The following CAB39L variants were observed in gnomAD, a reference collection of about 807,000 sequenced individuals.
CAB39L encodes calcium-binding protein 39-like.
Under a neutral mutation model 39.1 loss-of-function variants are expected in CAB39L, and 23 were observed. That is an observed-to-expected ratio of 0.59 (90% confidence interval 0.42 to 0.83). The LOEUF is 0.83. Ranked by LOEUF, CAB39L falls within the 40% of genes least tolerant of loss-of-function variation. The pLI is 0.00. For synonymous variants in CAB39L, 126 were observed against 137.2 expected (o/e 0.92, Z 0.57); for missense variants, 366 against 391.9 (o/e 0.93, Z 0.56).
Position 49,326,410 on chromosome 13 carries a change from C to T in CAB39L, c.834+5537G>A, listed in dbSNP as rs371129642. Among the ~76,000 whole-genome samples, 15 of 152,288 alleles carry T rather than the reference C, an allele frequency of 9.8e-5. No homozygotes were observed. In the East Asian group the frequency reaches 2.3e-3, roughly 23 times the overall value. ...AAGACCTTGCTCTCTTGACCTCCAT[C>T]GGGGCTTTCCCACCACACTATCCTG... On this transcript the variant is annotated intron_variant, in intron 10 of 10. Transcript: ENST00000409308.
chr13:49,429,523 C>A (rs1017749731), intron 3 of CAB39L, among the ~76,000 whole-genome samples: 1 of 152,090 alleles, frequency 6.6e-6, no homozygotes, highest in African/African-American at 2.4e-5. Context: ...ATTATTTTTC[C>A]CTCCTTACTT....
At chr13:49,319,435 G>A (rs895326542) in intron 10 of CAB39L, among the ~76,000 whole-genome samples, 3 of 152,076 alleles carry the variant, frequency 2.0e-5, no homozygotes, top group African/African-American at 7.2e-5. Flanking sequence ...GCCAGGGGAT[G>A]GAGGTGAGGG....
At chr13:49,320,783 T>C (rs924079735) in intron 10 of CAB39L, among the ~76,000 whole-genome samples, 4 of 152,200 alleles carry the variant, frequency 2.6e-5, no homozygotes, top group African/African-American at 4.8e-5. Flanking sequence ...ATCTGAGTAA[T>C]AATTTAGAAT....
chr13:49,383,253 AAAGT>A (rs1192058899), intron 3 of CAB39L, among the ~76,000 whole-genome samples: 1 of 152,088 alleles, frequency 6.6e-6, no homozygotes, highest in East Asian at 1.9e-4. Flanking sequence ...TTGACCAAAG[AAAGT>A]GATAATAATA....
At chr13:49,431,671 C>G (rs1488689337) in intron 3 of CAB39L, among the ~76,000 whole-genome samples, 1 of 151,756 alleles carries the variant, frequency 6.6e-6, no homozygotes, top group African/African-American at 2.4e-5. Flanking sequence ...TGCACCACTG[C>G]ACTCCAGCCT....
intron 9 of CAB39L, among the ~76,000 whole-genome samples, chr13:49,334,031 CCTTT>C (rs1954784344): frequency 6.6e-6 from 1 of 152,154 alleles, no homozygotes; most frequent in Admixed American, 6.5e-5. Context: ...TTCCTTAGCT[CCTTT>C]CTTTCCCTTG....
intron 10 of CAB39L, among the ~76,000 whole-genome samples, chr13:49,323,101 T>C (rs941762188): frequency 2.6e-5 from 4 of 152,226 alleles, no homozygotes; most frequent in Admixed American, 6.5e-5. Context: ...GTATTCTCTA[T>C]ACCCTCCTCC....
chr13:49,318,958 G>T (rs921358230), intron 10 of CAB39L, among the ~76,000 whole-genome samples: 13 of 152,158 alleles, frequency 8.5e-5, no homozygotes, highest in Middle Eastern at 3.4e-3. Context: ...CCATTTAAAA[G>T]AATGAAGTAC....
chr13:49,327,167 T>C (rs1954528032), intron 10 of CAB39L, among the ~76,000 whole-genome samples: 1 of 152,096 alleles, frequency 6.6e-6, no homozygotes, highest in Non-Finnish European at 1.5e-5. Context: ...TTCAGATTTT[T>C]TTTTTAATAA....
chr13:49,419,864 A>G (rs78949860), intron 3 of CAB39L, among the ~76,000 whole-genome samples: 2,384 of 152,308 alleles, frequency 0.016, 76 homozygotes, highest in African/African-American at 0.054. Flanking sequence ...ATATAGAAGA[A>G]TGCCACAGTT....
intron 5 of CAB39L, among the ~76,000 whole-genome samples, chr13:49,361,249 T>A (rs1184562706): frequency 6.6e-6 from 1 of 151,522 alleles, no homozygotes; most frequent in African/African-American, 2.4e-5. Context: ...GGAGGCCAAG[T>A]GGGGCAGATC....
chr13:49,388,976 C>A (rs1016960195), intron 3 of CAB39L, among the ~76,000 whole-genome samples: 1 of 152,140 alleles, frequency 6.6e-6, no homozygotes, highest in Non-Finnish European at 1.5e-5. Context: ...GGAACATGAC[C>A]CAGGTTTGGC....
intron 5 of CAB39L, among the ~76,000 whole-genome samples, chr13:49,369,033 C>A (rs1244018981): frequency 6.6e-6 from 1 of 152,042 alleles, no homozygotes; most frequent in Non-Finnish European, 1.5e-5. Context: ...TGAATAAATA[C>A]TTCATAAAAG....
chr13:49,406,985 G>A (rs9535232), intron 3 of CAB39L, among the ~76,000 whole-genome samples: 4 of 151,984 alleles, frequency 2.6e-5, no homozygotes, highest in Non-Finnish European at 2.9e-5. Context: ...ATTATTTTAC[G>A]TGTTATAAAA....
chr13:49,433,543 C>A, intron 2 of CAB39L, 150 bp from the exon 3 acceptor site: 1 of 356,406 alleles, frequency 2.8e-6, no homozygotes, highest in Non-Finnish European at 5.4e-6. Context: ...GGTAAATTTT[C>A]ATATCCCAAT....
chr13:49,342,666 T>G (rs9526544), intron 8 of CAB39L, among the ~76,000 whole-genome samples: 34,605 of 152,054 alleles, frequency 0.23, 4,220 homozygotes, highest in Middle Eastern at 0.31. Flanking sequence ...GTTGCTAGGA[T>G]GAGGATCAGA....
At chr13:49,362,188 C>T (rs1955656018) in intron 5 of CAB39L, among the ~76,000 whole-genome samples, 1 of 151,896 alleles carries the variant, frequency 6.6e-6, no homozygotes, top group Admixed American at 6.6e-5. Flanking sequence ...CTGTCAGATA[C>T]TGATAAATAT....
At chr13:49,408,852 C>T (rs1276002029) in intron 3 of CAB39L, among the ~76,000 whole-genome samples, 1 of 151,866 alleles carries the variant, frequency 6.6e-6, no homozygotes. Context: ...AAAAAGGCAA[C>T]TAAATAAACA....
rs968369811 is a variant in CAB39L, at chr13:49,410,397, C to T, written c.-32+22921G>A. On this transcript the variant is annotated intron_variant, in intron 3 of 10. Transcript: ENST00000409308. ...TCTTTTTATGAGGTGTGTCATACTC[C>T]AATTTTCCAAGTTTTTACAAATTTT... Among the ~76,000 whole-genome samples the T allele has an allele frequency of 1.3e-5, 2 of 152,142 alleles. 1 individual carries two copies. Among genetic ancestry groups the T allele is most frequent in the South Asian group, 4.1e-4 (2 of 4,830 alleles).
Sources: allele counts gnomAD v4.1 joint callset (sites outside exome capture counted in the v4.1 genomes callset), GRCh38; gene constraint gnomAD v4.1.1; transcripts MANE v1.5; gene names NCBI Gene and HGNC (gene_info 2026-07-23, HGNC 2026-07-21).